Variants in TOR3A observed in about 807,000 individuals in gnomAD.
TOR3A encodes the protein torsin-3A.
In TOR3A, 44 loss-of-function variants were observed where a neutral mutation model predicts 42.1. The ratio of observed to expected loss-of-function variants is 1.04; its 90% confidence interval spans 0.82 to 1.34. The LOEUF is 1.34. TOR3A is among the 40% of genes most tolerant of loss of function. The pLI is 0.00. For synonymous variants in TOR3A, 227 were observed against 213.2 expected, an observed-to-expected ratio of 1.06 and a Z score of -0.57; for missense variants, 521 against 507.6, an observed-to-expected ratio of 1.03 and a Z score of -0.25.
chr1:179,089,337 A>T (rs912254986), intron 4 of TOR3A, among the ~76,000 whole-genome samples: 1 of 144,788 alleles, frequency 6.9e-6, no homozygotes. Context: ...AAAAAAAAAA[A>T]GTGAAACAGG....
At chr1:179,093,450 G>A (rs1056620587) in intron 4 of TOR3A, among the ~76,000 whole-genome samples, 1 of 152,198 alleles carries the variant, frequency 6.6e-6, no homozygotes, top group African/African-American at 2.4e-5. Context: ...GTTCTTTGAT[G>A]ACCTCCTTTC....
In TOR3A at chr1:179,093,858, CAGTA is replaced by C. The variant is rs1470547030; in HGVS notation, c.819-231_819-228del. Among the ~76,000 whole-genome samples the C allele has an allele frequency of 6.6e-5, 10 of 152,278 alleles. No homozygotes were observed. In the South Asian group the frequency reaches 1.7e-3, roughly 25 times the overall value. ...ATGCTCCCTGCACTTAGCACAGTCT[CAGTA>C]AGTGTGTGTCAAGAGGGAACAAGAG... On this transcript the variant is annotated intron_variant, in intron 4 of 5. Transcript: ENST00000367627.
chr1:179,095,102 G>T lies in TOR3A; in HGVS notation c.1078G>T (p.Glu360Ter). 6.2e-7 allele frequency: 1 copy of T among 1,614,190 alleles called. No individual in the cohort carries two copies. Among genetic ancestry groups the T allele is most frequent in the Non-Finnish European group, 8.5e-7 (1 of 1,180,040 alleles). Residue 360 changes from glutamate (E) to a stop codon, truncating the protein, a stop_gained, in exon 6 of 6, where the codon GAA becomes TAA. Transcript: ENST00000367627. LOFTEE classifies it high-confidence loss of function. ...CCTGAGCCAGGAGCTCCTGTATAAA[G>T]AAGAGACACTGGATGAAATAGCCCA... is the stretch of plus-strand genomic sequence containing the variant. ...AFLSQELLYK[E>*]ETLDEIAQMM... is the part of the protein sequence containing the mutation.
chr1:179,093,729 T>C (rs1046227117), intron 4 of TOR3A, among the ~76,000 whole-genome samples: 1 of 152,192 alleles, frequency 6.6e-6, no homozygotes, highest in Non-Finnish European at 1.5e-5. Flanking sequence ...GCCTTCTCCT[T>C]AGAACTCAGT....
chr1:179,094,870 CCT>C lies in TOR3A; in HGVS notation c.944-97_944-96del, dbSNP rs567866244. 134 of 1,189,260 alleles carry C rather than the reference CCT, an allele frequency of 1.1e-4. 1 individual carries two copies. Among genetic ancestry groups the C allele is most frequent in the South Asian group, 5.9e-4 (45 of 75,692 alleles). 73.7% of individuals were successfully genotyped at this position (1,189,260 alleles called of 1,614,324 possible). On this transcript the variant is annotated intron_variant, in intron 5 of 5. Coordinates refer to ENST00000367627, the MANE Select transcript of TOR3A (RefSeq NM_022371.4). ...TCCAGCCTGGTTGACAGAGCAAGCC[CCT>C]GTTTCAAAGAAACCAACAGCAACCC... is the stretch of plus-strand genomic sequence containing the variant.
chr1:179,082,570 T>G (rs1652318847), intron 1 of TOR3A, 183 bp downstream of exon 1: 1 of 897,244 alleles, frequency 1.1e-6, no homozygotes, highest in African/African-American at 1.6e-5. Flanking sequence ...TCACCGCCCT[T>G]GCCCCACCCG....
rs961514596 is a variant in TOR3A, at chr1:179,095,991, C to G, written c.*773C>G. ...GATAAGATTAAAATTTTTGATTTTC[C>G]TAAAATCCTTGGCGTACTTTCTGTT... is the stretch of plus-strand genomic sequence containing the variant. On this transcript the variant is annotated 3_prime_UTR_variant, in exon 6 of 6. Transcript: ENST00000367627. The G allele has an allele frequency of 3.0e-6, 3 of 985,122 alleles. No individual in the cohort carries two copies. The highest frequency in any genetic ancestry group is 2.4e-6 in the Non-Finnish European group (2 of 829,792). The allele number at this position is 985,122 out of a possible 1,614,324, so 61.0% of individuals were successfully genotyped here. A position where few individuals can be genotyped will look rare whatever the true frequency, so the allele number is the denominator to read the frequency against.
chr1:179,087,840 G>A (rs1234270187), intron 3 of TOR3A, 71 bp from the exon 4 acceptor site: 2 of 1,456,964 alleles, frequency 1.4e-6, no homozygotes, highest in African/African-American at 2.9e-5. Flanking sequence ...ATGCCCAGGG[G>A]AAACCACGCC....
intron 2 of TOR3A, among the ~76,000 whole-genome samples, chr1:179,084,543 G>A (rs1264821898): frequency 1.3e-5 from 2 of 152,216 alleles, no homozygotes; most frequent in African/African-American, 4.8e-5. Flanking sequence ...AGCTTTAAAT[G>A]GGAATAATAA....
At chr1:179,084,358 C>G (rs1383793114) in intron 2 of TOR3A, among the ~76,000 whole-genome samples, 1 of 152,172 alleles carries the variant, frequency 6.6e-6, no homozygotes, top group Non-Finnish European at 1.5e-5. Context: ...TCCCGAGTGG[C>G]TGGGATTATA....
In TOR3A at chr1:179,095,476, AGATCACTT is replaced by A. The variant is rs1652716927; in HGVS notation, c.*260_*267del. The A allele has an allele frequency of 3.7e-6, 5 of 1,351,814 alleles. No individual in the cohort carries two copies. The highest frequency in any genetic ancestry group is 2.8e-4 in the Middle Eastern group (1 of 3,596). The allele number at this position is 1,351,814 out of a possible 1,614,324, so 83.7% of individuals were successfully genotyped here. A position where few individuals can be genotyped will look rare whatever the true frequency, so the allele number is the denominator to read the frequency against. The stretch of plus-strand genomic sequence containing the variant: ...AATTCAAAAACAGAGCCCATTCTTA[AGATCACTT>A]GGTGCCTTAAAGACACGCATTCCAA... On this transcript the variant is annotated 3_prime_UTR_variant, in exon 6 of 6. Coordinates refer to ENST00000367627, the MANE Select transcript of TOR3A (RefSeq NM_022371.4).
Position 179,086,038 on chromosome 1 carries a change from C to T in TOR3A, c.639+145C>T, listed in dbSNP as rs12058957. On this transcript the variant is annotated intron_variant, in intron 3 of 5. Transcript: ENST00000367627. The stretch of plus-strand genomic sequence containing the variant: ...ACCTGTGACAGAGCCACTCCGTCCA[C>T]TCCTCACAGAGGCCCTTAGCATGTG... 3.2e-3 allele frequency: 3,145 copies of T among 996,086 alleles called. 89 individuals carry two copies. In the African/African-American group the frequency reaches 0.045, roughly 14 times the overall value. The allele number at this position is 996,086 out of a possible 1,614,324, so 61.7% of individuals were successfully genotyped here.
chr1:179,085,691 G>A lies in TOR3A; in HGVS notation c.437G>A (p.Arg146Lys). 6.2e-7 allele frequency: 1 copy of A among 1,614,236 alleles called. No individual in the cohort carries two copies. Among genetic ancestry groups the A allele is most frequent in the South Asian group, 1.1e-5 (1 of 91,088 alleles). Residue 146 changes from arginine to lysine, a missense_variant, in exon 3 of 6, where the codon AGA becomes AAA. Physicochemically the swap from Arg to Lys is conservative, Grantham distance 26. Coordinates refer to ENST00000367627, the MANE Select transcript of TOR3A (RefSeq NM_022371.4). ...CATTTGGTCCAGCAGCTGGTCCTAA[G>A]AACAGTGAGGGGCTACTTAGAGACG... ...GQHLVQQLVLRTVRGYLETPQ... is the reference protein window; with the variant it reads ...GQHLVQQLVLKTVRGYLETPQ...
At position 179,082,356 on chromosome 1, in the gene TOR3A, C is replaced by G. The variant is rs369694525; in HGVS notation, c.228C>G (p.Asp76Glu). The G allele has an allele frequency of 5.6e-5, 90 of 1,606,676 alleles. No homozygotes were observed. The highest frequency in any genetic ancestry group is 5.6e-5 in the Non-Finnish European group (66 of 1,177,854). Residue 76 changes from aspartate to glutamate, a missense_variant, in exon 1 of 6, where the codon GAC (aspartate) becomes GAG (glutamate). By Grantham distance (45) the Asp-to-Glu change is conservative. Coordinates refer to ENST00000367627, the MANE Select transcript of TOR3A (RefSeq NM_022371.4). Reference sequence around the variant, plus strand: ...GCCAGGTGTGGCCCGACGACTGTGACGAGGACGAGGAGGCAGCCACGGGGC... The same window carrying G: ...GCCAGGTGTGGCCCGACGACTGTGAGGAGGACGAGGAGGCAGCCACGGGGC... ...FSCQVWPDDC[D>E]EDEEAATGPL...
intron 2 of TOR3A, chr1:179,085,422 CAA>C (rs369392265): frequency 0.038 from 16,406 of 430,942 alleles, no homozygotes; most frequent in South Asian, 0.048. Flanking sequence ...GACTCCATCT[CAA>C]AAAAAAAAAA....
At chr1:179,083,603 G>GGGGTGGGGGGGGT (rs1652356103) in intron 2 of TOR3A, among the ~76,000 whole-genome samples, 1 of 114,750 alleles carries the variant, frequency 8.7e-6, no homozygotes, top group Admixed American at 9.9e-5. Flanking sequence ...GGGGGGGCGG[G>GGGGTGGGGGGGGT]TTTCACCATG....
intron 1 of TOR3A, chr1:179,082,699 G>A: frequency 1.4e-6 from 1 of 703,410 alleles, no homozygotes; most frequent in Non-Finnish European, 2.6e-6. Flanking sequence ...GGCGTTATTC[G>A]AAGGTGTTGC....
At position 179,082,347 on chromosome 1, in the gene TOR3A, C is replaced by A. The variant is rs1430265472; in HGVS notation, c.219C>A (p.Asp73Glu). The A allele has an allele frequency of 1.2e-6, 2 of 1,605,760 alleles. No homozygotes were observed. Among genetic ancestry groups the A allele is most frequent in the African/African-American group, 1.4e-5 (1 of 73,656 alleles). Residue 73 changes from aspartate (D) to glutamate (E), a missense_variant, in exon 1 of 6, where the codon GAC (aspartate) becomes GAA (glutamate). Asp to Glu is a conservative substitution (Grantham distance 45, BLOSUM62 2). Coordinates refer to ENST00000367627, the MANE Select transcript of TOR3A (RefSeq NM_022371.4). ...TCTTCAGCTGCCAGGTGTGGCCCGA[C>A]GACTGTGACGAGGACGAGGAGGCAG... ...WTLFSCQVWPDDCDEDEEAAT... is the reference protein window; with the variant it reads ...WTLFSCQVWPEDCDEDEEAAT...
intron 3 of TOR3A, among the ~76,000 whole-genome samples, chr1:179,086,773 C>T (rs1171114837): frequency 6.6e-6 from 1 of 152,060 alleles, no homozygotes; most frequent in Non-Finnish European, 1.5e-5. Context: ...CAGAAATTTC[C>T]TTGGCTGTTC....
Sources: allele counts gnomAD v4.1 joint callset (sites outside exome capture counted in the v4.1 genomes callset), GRCh38; gene constraint gnomAD v4.1.1; transcripts MANE v1.5; gene names NCBI Gene and HGNC (gene_info 2026-07-23, HGNC 2026-07-21).